The following EEIG2 variants were observed in gnomAD, a reference collection of about 807,000 sequenced individuals.
EEIG2 encodes the protein EEIG family member 2.
the EEIG2 span, among the ~76,000 whole-genome samples, chr1:108,578,570 G>A: frequency 6.7e-6 from 1 of 149,472 alleles, no homozygotes; most frequent in Non-Finnish European, 1.5e-5. Flanking sequence ...TGTGGTTTTT[G>A]TCTTTGGCTC....
chr1:108,638,021 A>G, the EEIG2 span: 2 of 152,648 alleles, frequency 1.3e-5, no homozygotes, highest in African/African-American at 2.4e-5. Flanking sequence ...CTCCCATTCC[A>G]GCTTAACACT....
chr1:108,624,477 G>A, the EEIG2 span, among the ~76,000 whole-genome samples: 1 of 149,758 alleles, frequency 6.7e-6, no homozygotes, highest in Non-Finnish European at 1.5e-5. Flanking sequence ...TTTTATTCAA[G>A]TTTTGAAAAG....
the EEIG2 span, among the ~76,000 whole-genome samples, chr1:108,601,234 G>T: frequency 6.6e-6 from 1 of 151,778 alleles, no homozygotes; most frequent in Non-Finnish European, 1.5e-5. Flanking sequence ...AAAAAAAAAT[G>T]GTAATTTCAT....
the EEIG2 span, chr1:108,639,176 T>G: frequency 6.6e-6 from 1 of 152,136 alleles, no homozygotes; most frequent in African/African-American, 2.4e-5. Context: ...ACCTTCATAT[T>G]TATATATTTT....
the EEIG2 span, chr1:108,635,313 C>A: frequency 1.3e-6 from 1 of 787,750 alleles, no homozygotes; most frequent in Non-Finnish European, 2.0e-6. Flanking sequence ...CCTGTACCAG[C>A]CACCAAAGGG....
At chr1:108,567,054 G>C in the EEIG2 span, among the ~76,000 whole-genome samples, 1 of 151,860 alleles carries the variant, frequency 6.6e-6, no homozygotes, top group African/African-American at 2.4e-5. Flanking sequence ...TAATTGGCTT[G>C]GTTTAGCAAT....
At chr1:108,563,064 G>C in the EEIG2 span, among the ~76,000 whole-genome samples, 1 of 152,182 alleles carries the variant, frequency 6.6e-6, no homozygotes, top group African/African-American at 2.4e-5. Flanking sequence ...ACATAGAAAA[G>C]AGGTAATATA....
At chr1:108,625,338 A>G in the EEIG2 span, 1 of 152,328 alleles carries the variant, frequency 6.6e-6, no homozygotes, top group Non-Finnish European at 1.5e-5. Context: ...CTCCAGAAGT[A>G]AAAGCATGGT....
At chr1:108,616,542 A>AAGAAACTATCCCT in the EEIG2 span, 1 of 701,094 alleles carries the variant, frequency 1.4e-6, no homozygotes, top group Non-Finnish European at 2.4e-6. Flanking sequence ...CAGTTAAGGG[A>AAGAAACTATCCCT]TAGTTTCTTC....
the EEIG2 span, among the ~76,000 whole-genome samples, chr1:108,577,391 G>C: frequency 4.9e-4 from 2 of 4,120 alleles, 1 homozygote; most frequent in African/African-American, 6.2e-4. Flanking sequence ...GTCCTGAATG[G>C]TAATGCCTAG....
chr1:108,600,237 C>G, the EEIG2 span, among the ~76,000 whole-genome samples: 1 of 152,180 alleles, frequency 6.6e-6, no homozygotes, highest in Admixed American at 6.5e-5. Context: ...CTGTCCTCGT[C>G]TTTATGTTTT....
At chr1:108,610,183 G>C in the EEIG2 span, among the ~76,000 whole-genome samples, 1 of 152,210 alleles carries the variant, frequency 6.6e-6, no homozygotes, top group Admixed American at 6.5e-5. Context: ...ATTAAAGTAG[G>C]AGAAAATCCA....
the EEIG2 span, among the ~76,000 whole-genome samples, chr1:108,623,172 G>A: frequency 3.3e-5 from 5 of 152,092 alleles, no homozygotes; most frequent in Non-Finnish European, 7.3e-5. Flanking sequence ...TTTGTTGCAC[G>A]TTTTAAAATA....
chr1:108,597,498 G>A, the EEIG2 span, among the ~76,000 whole-genome samples: 21 of 152,206 alleles, frequency 1.4e-4, no homozygotes, highest in African/African-American at 4.8e-4. Flanking sequence ...CAGGGAAGGA[G>A]AGGTCTGCAG....
At chr1:108,591,819 C>T in the EEIG2 span, among the ~76,000 whole-genome samples, 1 of 151,300 alleles carries the variant, frequency 6.6e-6, no homozygotes, top group South Asian at 2.1e-4. Context: ...CTGGTGAGTG[C>T]GGGAAGTTGA....
At chr1:108,638,261 G>GC in the EEIG2 span, 1 of 151,978 alleles carries the variant, frequency 6.6e-6, no homozygotes, top group Non-Finnish European at 1.5e-5. Flanking sequence ...TTTTCTGTAT[G>GC]CTTTTTTTAC....
the EEIG2 span, among the ~76,000 whole-genome samples, chr1:108,594,375 G>A: frequency 1.3e-5 from 2 of 152,304 alleles, no homozygotes; most frequent in East Asian, 1.9e-4. Flanking sequence ...CAGTGGAATT[G>A]TGCGGGGTAG....
the EEIG2 span, among the ~76,000 whole-genome samples, chr1:108,619,896 A>G: frequency 6.6e-6 from 1 of 152,220 alleles, no homozygotes; most frequent in Non-Finnish European, 1.5e-5. Context: ...TTCAAAAATA[A>G]AGCAAATATA....
the EEIG2 span, among the ~76,000 whole-genome samples, chr1:108,604,690 G>A: frequency 8.5e-5 from 13 of 152,140 alleles, no homozygotes; most frequent in East Asian, 2.3e-3. Context: ...TGAAGATCGG[G>A]AGCCTTTGGC....
Sources: allele counts gnomAD v4.1 joint callset (sites outside exome capture counted in the v4.1 genomes callset), GRCh38; gene constraint gnomAD v4.1.1; transcripts MANE v1.5; gene names NCBI Gene and HGNC (gene_info 2026-07-23, HGNC 2026-07-21).